Variants in CNTN1 observed in about 807,000 individuals in gnomAD.
CNTN1 encodes contactin-1.
A neutral mutation model predicts 126.4 loss-of-function variants in CNTN1; 38 were observed. The ratio of observed to expected loss-of-function variants is 0.30; its 90% CI spans 0.23 to 0.39. CNTN1 has a LOEUF of 0.39. Ranked by LOEUF, CNTN1 falls within the 10% of genes least tolerant of loss-of-function variation. The pLI is 1.00. For missense variants in CNTN1, 1,009 were observed against 1,248.4 expected, an observed-to-expected ratio of 0.81 and a Z score of 2.89; for synonymous variants, 413 against 422.6, an observed-to-expected ratio of 0.98 and a Z score of 0.28.
chr12:40,872,889 G>T (rs1943551214), intron 1 of CNTN1, among the ~76,000 whole-genome samples: 1 of 151,980 alleles, frequency 6.6e-6, no homozygotes, highest in African/African-American at 2.4e-5. Flanking sequence ...TCATTTTCTT[G>T]TTGCATATTT....
chr12:40,943,728 A>G lies in CNTN1; in HGVS notation c.1507+4A>G. On this transcript the variant is annotated splice_donor_region_variant and intron_variant, in intron 13 of 23. Transcript: ENST00000551295. The stretch of plus-strand genomic sequence containing the variant: ...ACTGGAACCCTTGTTATCACAGGTA[A>G]GTTAATGTTTGAGGGTGCTTAATTT... 6.8e-6 allele frequency: 11 copies of G among 1,612,668 alleles called. No homozygotes were observed. Among genetic ancestry groups the G allele is most frequent in the Non-Finnish European group, 9.3e-6 (11 of 1,179,116 alleles).
intron 23 of CNTN1, among the ~76,000 whole-genome samples, chr12:41,033,008 GA>G (rs1288461031): frequency 3.6e-4 from 55 of 152,244 alleles, no homozygotes; most frequent in African/African-American, 1.3e-3. Context: ...TTCATCTCTA[GA>G]AAACTGATAT....
chr12:40,770,170 G>A (rs1579800), intron 1 of CNTN1, among the ~76,000 whole-genome samples: 145,973 of 152,152 alleles, frequency 0.96, 70,298 homozygotes, highest in East Asian at 1. Context: ...TTTTTTTAGC[G>A]CCTCAGAGTA....
At chr12:40,763,858 C>A (rs1938965171) in intron 1 of CNTN1, among the ~76,000 whole-genome samples, 2 of 152,164 alleles carry the variant, frequency 1.3e-5, no homozygotes. Context: ...TGAACATTTC[C>A]TGTAGCAGCT....
At chr12:40,825,807 C>T (rs1470199044) in intron 1 of CNTN1, among the ~76,000 whole-genome samples, 6 of 152,136 alleles carry the variant, frequency 3.9e-5, no homozygotes, top group African/African-American at 1.2e-4. Flanking sequence ...TTCTAATTTT[C>T]GTCTGTTCTA....
At chr12:40,799,803 T>A (rs1268615923) in intron 1 of CNTN1, among the ~76,000 whole-genome samples, 1 of 152,006 alleles carries the variant, frequency 6.6e-6, no homozygotes, top group Non-Finnish European at 1.5e-5. Context: ...TTTCATGTTC[T>A]TTCATTTAAT....
At chr12:40,710,035 C>T (rs749447931) in intron 1 of CNTN1, among the ~76,000 whole-genome samples, 39 of 152,208 alleles carry the variant, frequency 2.6e-4, no homozygotes, top group Non-Finnish European at 2.6e-4. Flanking sequence ...CACATAGCTT[C>T]CTTACTAATC....
intron 1 of CNTN1, among the ~76,000 whole-genome samples, chr12:40,889,870 G>C (rs142673167): frequency 6.6e-6 from 1 of 152,062 alleles, no homozygotes; most frequent in South Asian, 2.1e-4. Flanking sequence ...CTCATTTCTC[G>C]ATGTGTTAGT....
In CNTN1 at chr12:40,804,081, C is replaced by T. The variant is rs533469528; in HGVS notation, c.-76-104276C>T. ...TAATTGCTCTAGAGACTACTGAATG[C>T]GGTAATGTGACTCTCATTAAATGAA... On this transcript the variant is annotated intron_variant, in intron 1 of 23. Coordinates refer to ENST00000551295, the MANE Select transcript of CNTN1 (RefSeq NM_001843.4). Among the ~76,000 whole-genome samples, 8 of 151,984 alleles carry T rather than the reference C, an allele frequency of 5.3e-5. No individual in the cohort carries two copies. In the South Asian group the frequency reaches 8.3e-4, roughly 16 times the overall value.
chr12:41,052,205 G>T (rs1592465756), intron 23 of CNTN1, among the ~76,000 whole-genome samples: 1 of 152,020 alleles, frequency 6.6e-6, no homozygotes, highest in South Asian at 2.1e-4. Context: ...CTTTGTCTCT[G>T]GTCTTAAGAC....
chr12:40,707,039 C>CACGT (rs1941764179), intron 1 of CNTN1, among the ~76,000 whole-genome samples: 1 of 106,484 alleles, frequency 9.4e-6, no homozygotes, highest in South Asian at 3.0e-4. Context: ...TGCGCGCGCG[C>CACGT]GCTTGCGCAC....
chr12:40,930,064 G>T (rs1025576721), intron 7 of CNTN1, 62 bp downstream of exon 7: 21 of 1,256,496 alleles, frequency 1.7e-5, no homozygotes, highest in Non-Finnish European at 2.2e-5. Context: ...TATACTTACC[G>T]TAATGAAAAG....
At chr12:40,844,150 C>T (rs368083533) in intron 1 of CNTN1, among the ~76,000 whole-genome samples, 2 of 140,808 alleles carry the variant, frequency 1.4e-5, no homozygotes, top group East Asian at 2.5e-4. Context: ...TCACCGCAAC[C>T]TCCGCCTCCA....
intron 7 of CNTN1, 55 bp downstream of exon 7, chr12:40,930,057 A>T: frequency 7.8e-7 from 1 of 1,289,832 alleles, no homozygotes; most frequent in South Asian, 1.2e-5. Context: ...CATATGGTAT[A>T]CTTACCGTAA....
chr12:40,959,260 ACAAAAC>A, intron 15 of CNTN1, 26 bp downstream of exon 15: 1 of 1,611,032 alleles, frequency 6.2e-7, no homozygotes, highest in Non-Finnish European at 8.5e-7. Context: ...TTTTAAAATT[ACAAAAC>A]CAAAAGTATT....
chr12:41,048,978 C>T (rs763399632), intron 23 of CNTN1, among the ~76,000 whole-genome samples: 2 of 152,152 alleles, frequency 1.3e-5, no homozygotes, highest in Admixed American at 6.6e-5. Flanking sequence ...CAGCTCTTGT[C>T]GAGGTTGCTA....
chr12:40,944,264 T>C (rs1487887614), intron 14 of CNTN1, 94 bp downstream of exon 14: 11 of 1,239,002 alleles, frequency 8.9e-6, no homozygotes, highest in Non-Finnish European at 1.3e-5. Flanking sequence ...TTATATCATC[T>C]TTGTTTTTCA....
chr12:40,772,189 A>C (rs1271633746), intron 1 of CNTN1, among the ~76,000 whole-genome samples: 1 of 152,060 alleles, frequency 6.6e-6, no homozygotes, highest in African/African-American at 2.4e-5. Flanking sequence ...TTATTCACAT[A>C]ATTCGGAATA....
At chr12:40,802,359 A>G (rs1187440620) in intron 1 of CNTN1, among the ~76,000 whole-genome samples, 1 of 152,008 alleles carries the variant, frequency 6.6e-6, no homozygotes, top group Non-Finnish European at 1.5e-5. Context: ...ATTAAGTATG[A>G]GGTAACTTCA....
Sources: gnomAD v4.1 joint callset for allele counts (sites outside exome capture counted in the v4.1 genomes callset) on GRCh38, gnomAD v4.1.1 for gene constraint, MANE v1.5 for transcripts, NCBI Gene and HGNC (gene_info 2026-07-23, HGNC 2026-07-21) for gene names.